The following LRCH3 variants were observed in gnomAD, a reference collection of about 807,000 sequenced individuals.
The protein encoded by LRCH3 is DISP complex protein LRCH3.
A neutral mutation model predicts 104.5 loss-of-function variants in LRCH3; 68 were observed. The ratio of observed to expected loss-of-function variants is 0.65; its 90% CI spans 0.54 to 0.80. LRCH3 has a LOEUF of 0.80. Ranked by LOEUF, LRCH3 falls within the 30% of genes least tolerant of loss-of-function variation. The pLI, the probability that LRCH3 is intolerant of heterozygous loss-of-function variation, is 0.00. For missense variants in LRCH3, 951 were observed against 953.9 expected (o/e 1.00, Z 0.04); for synonymous variants, 344 against 361.3 (o/e 0.95, Z 0.54).
chr3:197,832,359 T>A (rs1560555061), intron 8 of LRCH3, 42 bp downstream of exon 8: 1 of 1,593,378 alleles, frequency 6.3e-7, no homozygotes, highest in Non-Finnish European at 8.6e-7. Flanking sequence ...TTGCAACCAT[T>A]TAACTTTTTA....
chr3:197,854,942 G>A lies in LRCH3; in HGVS notation c.1644+497G>A, dbSNP rs1560583407. The stretch of plus-strand genomic sequence containing the variant: ...TTCATGTTCACTTTTTAAACCCAAG[G>A]AAACATTAACTGCTGATCGTGTTGA... On this transcript the variant is annotated intron_variant, in intron 14 of 20. Transcript: ENST00000425562. This position sits in a 1 kb window ranked among gnomAD's most constrained non-coding sequence, Gnocchi z 4.5. Among the ~76,000 whole-genome samples, 1 of 152,158 alleles carries A rather than the reference G, an allele frequency of 6.6e-6. No homozygotes were observed. Among genetic ancestry groups the A allele is most frequent in the Non-Finnish European group, 1.5e-5 (1 of 68,020 alleles).
At chr3:197,860,860 A>C (rs1031236895) in intron 15 of LRCH3, among the ~76,000 whole-genome samples, 14 of 150,384 alleles carry the variant, frequency 9.3e-5, no homozygotes, top group Non-Finnish European at 1.6e-4. Flanking sequence ...TTTTTTTTGG[A>C]CCCATTAACT....
intron 15 of LRCH3, among the ~76,000 whole-genome samples, chr3:197,863,289 G>A (rs1485476292): frequency 6.6e-6 from 1 of 152,070 alleles, no homozygotes; most frequent in Non-Finnish European, 1.5e-5. Context: ...TTGAGATGGA[G>A]TCTCACTCTG....
chr3:197,866,139 C>G lies in LRCH3; in HGVS notation c.1793C>G (p.Pro598Arg). 1 of 1,613,642 alleles carries G rather than the reference C, an allele frequency of 6.2e-7. No homozygotes were observed. The highest frequency in any genetic ancestry group is 1.7e-5 in the Admixed American group (1 of 59,996). ...CATCATTCCCCTGCATATTCTTTTCCTGCTGCTATCCAGAGAAATCAGCCT... is the reference window on the plus strand; with the variant it reads ...CATCATTCCCCTGCATATTCTTTTCGTGCTGCTATCCAGAGAAATCAGCCT... Reference protein sequence around the residue: ...TVHHSPAYSFPAAIQRNQPQR... With the variant: ...TVHHSPAYSFRAAIQRNQPQR... Residue 598 changes from proline (P) to arginine (R), a missense_variant, in exon 17 of 21, where the codon CCT becomes CGT. Physicochemically the swap from Pro to Arg is moderately radical, Grantham distance 103 (BLOSUM62 -2). Transcript: ENST00000425562.
intron 10 of LRCH3, among the ~76,000 whole-genome samples, chr3:197,844,531 A>G (rs1426823132): frequency 6.6e-6 from 1 of 150,890 alleles, no homozygotes; most frequent in Admixed American, 6.6e-5. Flanking sequence ...GCTGGGATTA[A>G]AAGCATGAGC....
intron 12 of LRCH3, chr3:197,850,365 T>TTC: frequency 2.1e-6 from 2 of 955,816 alleles, no homozygotes; most frequent in East Asian, 2.5e-5. Context: ...TTTTTTTTTT[T>TTC]TTTCCTTTTA....
At chr3:197,817,332 GTGTGTGTGTGTGTC>G in intron 3 of LRCH3, 30 bp downstream of exon 3, 2 of 479,864 alleles carry the variant, frequency 4.2e-6, no homozygotes, top group Admixed American at 7.1e-5. Flanking sequence ...TGTCCAACAT[GTGTGTGTGTGTGTC>G]TGTGTGTGTG....
intron 20 of LRCH3, chr3:197,880,379 A>T: frequency 1.4e-6 from 1 of 702,806 alleles, no homozygotes; most frequent in Non-Finnish European, 2.4e-6. Flanking sequence ...TTTGTTCCTC[A>T]ATGTAAAAAT....
chr3:197,883,386 C>T lies in LRCH3; in HGVS notation c.2209-155C>T, dbSNP rs1445345315. 2.1e-6 allele frequency: 3 copies of T among 1,397,254 alleles called. No individual in the cohort carries two copies. The highest frequency in any genetic ancestry group is 2.8e-6 in the Non-Finnish European group (3 of 1,071,172). The allele number at this position is 1,397,254 out of a possible 1,614,324, so 86.6% of individuals were successfully genotyped here. The stretch of plus-strand genomic sequence containing the variant: ...TGAGTGTCAGACACCATCTCTCTAA[C>T]TCATATTTACACTGAGGTCAGTTTC... On this transcript the variant is annotated intron_variant, in intron 20 of 20. Coordinates refer to ENST00000425562, the MANE Select transcript of LRCH3 (RefSeq NM_001365715.1). This position sits in a 1 kb window ranked among gnomAD's most constrained non-coding sequence, Gnocchi z 4.2.
rs867402277 is a variant in LRCH3 at position 197,825,565 on chromosome 3, C to T, written c.641-1313C>T. On this transcript the variant is annotated intron_variant, in intron 4 of 20. Transcript: ENST00000425562. ...CTCAATCTCGGCTCACTGCAAGCTC[C>T]GCCTCCCGGGTTCACGCCATTCTCC... 6.9e-5 allele frequency among the ~76,000 whole-genome samples: 10 copies of T among 143,978 alleles called. No individual in the cohort carries two copies. In the South Asian group the frequency reaches 1.8e-3, roughly 26 times the overall value. 94.5% of individuals were successfully genotyped at this position (143,978 alleles called of 152,430 possible). A position where few individuals can be genotyped will look rare whatever the true frequency, so the allele number is the denominator to read the frequency against.
Position 197,883,003 on chromosome 3 carries a change from C to CCTAT in LRCH3, c.2209-535_2209-532dup, listed in dbSNP as rs1223670589. On this transcript the variant is annotated intron_variant, in intron 20 of 20. Coordinates refer to ENST00000425562, the MANE Select transcript of LRCH3 (RefSeq NM_001365715.1). This position sits in a 1 kb window ranked among gnomAD's most constrained non-coding sequence, Gnocchi z 4.2. ...GCTCAGGATACACTGAGTTTCTTGC[C>CCTAT]CTATCTGGTCTGGAAACCCTGGTTT... is the stretch of plus-strand genomic sequence containing the variant. The CCTAT allele has an allele frequency of 3.0e-6, 3 of 985,218 alleles. No homozygotes were observed. The African/African-American group carries it at 5.2e-5, about 17-fold the overall frequency. 61.0% of individuals were successfully genotyped at this position (985,218 alleles called of 1,614,324 possible). A position where few individuals can be genotyped will look rare whatever the true frequency, so the allele number is the denominator to read the frequency against.
chr3:197,842,151 A>G (rs1737903161), intron 10 of LRCH3, among the ~76,000 whole-genome samples: 2 of 152,182 alleles, frequency 1.3e-5, no homozygotes, highest in South Asian at 4.2e-4. Context: ...ATTACTGTTT[A>G]ACTCGGGGTT....
At chr3:197,812,758 C>T (rs868686919) in intron 1 of LRCH3, among the ~76,000 whole-genome samples, 6 of 151,970 alleles carry the variant, frequency 3.9e-5, no homozygotes, top group East Asian at 1.9e-4. Context: ...GACGGGGTTT[C>T]GCCATGTTGG....
intron 8 of LRCH3, among the ~76,000 whole-genome samples, chr3:197,832,685 CTTTT>C (rs77343938): frequency 7.7e-6 from 1 of 129,820 alleles, no homozygotes; most frequent in African/African-American, 2.8e-5. Context: ...GAATTTAGTC[CTTTT>C]TTTTTTTTTT....
chr3:197,880,029 T>C (rs1307674827), intron 20 of LRCH3, among the ~76,000 whole-genome samples: 18 of 150,180 alleles, frequency 1.2e-4, no homozygotes, highest in Admixed American at 4.6e-4. Context: ...CACTGCAAGC[T>C]CCGCCTCCCG....
At chr3:197,860,856 T>C (rs1740793733) in intron 15 of LRCH3, among the ~76,000 whole-genome samples, 1 of 152,132 alleles carries the variant, frequency 6.6e-6, no homozygotes, top group South Asian at 2.1e-4. Context: ...TTTATTTTTT[T>C]TGGACCCATT....
chr3:197,850,300 A>C, intron 12 of LRCH3: 358 of 563,390 alleles, frequency 6.4e-4, no homozygotes, highest in East Asian at 7.9e-4. Flanking sequence ...TAAGTACATT[A>C]TATATATTTA....
chr3:197,817,357 T>TGC (rs1733949468), intron 3 of LRCH3, 55 bp downstream of exon 3: 3 of 138,514 alleles, frequency 2.2e-5, no homozygotes, highest in African/African-American at 2.3e-4. Context: ...TGTGTGTGTG[T>TGC]GTGTATATAT....
At chr3:197,881,074 C>A in intron 20 of LRCH3, 1 of 1,089,026 alleles carries the variant, frequency 9.2e-7, no homozygotes, top group African/African-American at 1.6e-5. Flanking sequence ...TCACACAATA[C>A]AACTCCCATC....
Sources: gnomAD v4.1 joint callset for allele counts (sites outside exome capture counted in the v4.1 genomes callset) on GRCh38, gnomAD v4.1.1 for gene constraint, Gnocchi (gnomAD v3.1) non-coding constraint, MANE v1.5 for transcripts, NCBI Gene and HGNC (gene_info 2026-07-23, HGNC 2026-07-21) for gene names.